Variants in MEGF9 observed in about 807,000 individuals in gnomAD.
MEGF9 encodes multiple epidermal growth factor-like domains protein 9.
Under a neutral mutation model 46.8 loss-of-function variants are expected in MEGF9, and 6 were observed. The observed-to-expected ratio is 0.13, with a 90% CI of 0.07 to 0.25. The LOEUF (loss-of-function observed/expected upper bound fraction) is 0.25. Among genes scored for constraint, MEGF9 ranks in the 10% least tolerant of loss-of-function variants. The pLI is 1.00. For synonymous variants in MEGF9, 302 were observed against 330.7 expected, an observed-to-expected ratio of 0.91 and a Z score of 0.94; for missense variants, 683 against 792.4, an observed-to-expected ratio of 0.86 and a Z score of 1.66.
intron 2 of MEGF9, among the ~76,000 whole-genome samples, chr9:120,652,195 A>AAAAAAAAC (rs2043655251): frequency 1.4e-5 from 2 of 144,116 alleles, no homozygotes; most frequent in African/African-American, 5.1e-5. Flanking sequence ...AAAAAAAAAA[A>AAAAAAAAC]AAAAAACAGG....
At chr9:120,639,775 T>G (rs903204697) in intron 2 of MEGF9, among the ~76,000 whole-genome samples, 1 of 120,686 alleles carries the variant, frequency 8.3e-6, no homozygotes, top group African/African-American at 2.8e-5. Context: ...GTTGAAGAAA[T>G]CCCTCTCTAC....
chr9:120,702,155 G>C (rs1349761508), intron 1 of MEGF9, among the ~76,000 whole-genome samples: 3 of 152,130 alleles, frequency 2.0e-5, no homozygotes. Flanking sequence ...GTTAAATTTT[G>C]CCTAAAGGTA....
chr9:120,677,137 G>A (rs977507507), intron 1 of MEGF9, among the ~76,000 whole-genome samples: 1 of 152,066 alleles, frequency 6.6e-6, no homozygotes, highest in African/African-American at 2.4e-5. Flanking sequence ...GTGTGTGTGT[G>A]TGTGTGTATG....
In MEGF9 at chr9:120,605,748, T is replaced by A; in HGVS notation, c.1358-107A>T. ...TGAATGTTGATGTAGGATGTTAACA[T>A]GATATTCTGCTTTAAGGTAATGCAA... On this transcript the variant is annotated intron_variant, in intron 5 of 5. Transcript: ENST00000373930. This position sits in a 1 kb window ranked among gnomAD's most constrained non-coding sequence, Gnocchi z 4.0. 1 of 798,192 alleles carries A rather than the reference T, an allele frequency of 1.3e-6. No homozygotes were observed. The highest frequency in any genetic ancestry group is 2.0e-6 in the Non-Finnish European group (1 of 506,576). 49.4% of individuals were successfully genotyped at this position (798,192 alleles called of 1,614,324 possible).
At chr9:120,627,164 C>T (rs2043529034) in intron 2 of MEGF9, among the ~76,000 whole-genome samples, 1 of 151,962 alleles carries the variant, frequency 6.6e-6, no homozygotes, top group South Asian at 2.1e-4. Flanking sequence ...ACATTATAAA[C>T]ACATGGTAGA....
rs1459037515 is a variant in MEGF9, at chr9:120,607,774, C to T, written c.1324G>A (p.Val442Ile). ...FWCENCLEGY[V>I]HDLEGNCIKK... ...ATGCAATTTCCCTCGAGGTCGTGAA[C>T]ATAACCTTCTAGGCAGTTCTCACAC... is the stretch of plus-strand genomic sequence containing the variant. The change falls in exon 5 of 6, where the codon GTT becomes ATT. Residue 442 changes from valine (V) to isoleucine (I), a missense_variant. Physicochemically the swap from Val to Ile is conservative, Grantham distance 29. Coordinates refer to ENST00000373930, the MANE Select transcript of MEGF9 (RefSeq NM_001080497.3). 1 of 1,613,458 alleles carries T rather than the reference C, an allele frequency of 6.2e-7. No homozygotes were observed. The highest frequency in any genetic ancestry group is 2.2e-5 in the East Asian group (1 of 44,866).
intron 2 of MEGF9, among the ~76,000 whole-genome samples, chr9:120,624,629 G>A (rs929764864): frequency 6.6e-5 from 10 of 152,170 alleles, no homozygotes; most frequent in African/African-American, 1.7e-4. Context: ...CACTTTGGGA[G>A]GCTGAGGTGG....
intron 1 of MEGF9, among the ~76,000 whole-genome samples, chr9:120,680,390 C>A (rs781001852): frequency 6.6e-6 from 1 of 152,114 alleles, no homozygotes; most frequent in East Asian, 1.9e-4. Flanking sequence ...ATACAGGTAC[C>A]GCCTTGTTGG....
intron 2 of MEGF9, among the ~76,000 whole-genome samples, chr9:120,625,029 C>T (rs1448799625): frequency 6.6e-6 from 1 of 152,212 alleles, no homozygotes; most frequent in Non-Finnish European, 1.5e-5. Context: ...GTCCCAGCTA[C>T]TCAGGAGGCT....
At chr9:120,616,123 T>G (rs1480629581) in intron 3 of MEGF9, among the ~76,000 whole-genome samples, 4 of 152,102 alleles carry the variant, frequency 2.6e-5, no homozygotes, top group Non-Finnish European at 5.9e-5. Context: ...ATCTCTAGTA[T>G]ACATGCATCA....
intron 1 of MEGF9, among the ~76,000 whole-genome samples, chr9:120,692,845 G>C (rs1292794198): frequency 2.0e-5 from 3 of 152,140 alleles, no homozygotes; most frequent in Admixed American, 2.0e-4. Flanking sequence ...TCCACTGAGA[G>C]AAAACATCCC....
chr9:120,660,393 G>A (rs1391878397), intron 1 of MEGF9, among the ~76,000 whole-genome samples: 1 of 152,078 alleles, frequency 6.6e-6, no homozygotes, highest in Admixed American at 6.6e-5. Flanking sequence ...TATCCTTTGT[G>A]TTACAAACAA....
At chr9:120,648,329 A>G (rs935195980) in intron 2 of MEGF9, among the ~76,000 whole-genome samples, 1 of 151,538 alleles carries the variant, frequency 6.6e-6, no homozygotes, top group Non-Finnish European at 1.5e-5. Flanking sequence ...TCACTGTTCT[A>G]GGTGTCAGAA....
rs530131479 is a variant in MEGF9, at chr9:120,633,735, A to T, written c.804-10980T>A. The stretch of plus-strand genomic sequence containing the variant: ...TTTTTTAATACAAGTGTTTATTGCT[A>T]TAAAGTTTCCTTTTGATACTGTGTT... On this transcript the variant is annotated intron_variant, in intron 2 of 5. Coordinates refer to ENST00000373930, the MANE Select transcript of MEGF9 (RefSeq NM_001080497.3). Among the ~76,000 whole-genome samples the T allele has an allele frequency of 2.6e-5, 4 of 152,222 alleles. No homozygotes were observed. The South Asian group carries it at 8.3e-4, about 32-fold the overall frequency.
intron 2 of MEGF9, among the ~76,000 whole-genome samples, chr9:120,652,766 A>C (rs2043659455): frequency 6.6e-6 from 1 of 151,998 alleles, no homozygotes; most frequent in Non-Finnish European, 1.5e-5. Flanking sequence ...TTCCAAATCT[A>C]CTCTTCTAGC....
intron 1 of MEGF9, among the ~76,000 whole-genome samples, chr9:120,693,275 C>CAAAAAAAAA (rs10633158): frequency 2.5e-4 from 26 of 104,286 alleles, no homozygotes; most frequent in Non-Finnish European, 3.2e-4. Flanking sequence ...TCTGGTTAAC[C>CAAAAAAAAA]AAAAAAAAAA....
chr9:120,711,836 T>TACACACAC (rs769570972), intron 1 of MEGF9, among the ~76,000 whole-genome samples: 110 of 56,504 alleles, frequency 1.9e-3, no homozygotes, highest in African/African-American at 3.6e-3. Flanking sequence ...TTTCTATACA[T>TACACACAC]ACATACATAC....
chr9:120,638,690 C>G (rs990295916), intron 2 of MEGF9, among the ~76,000 whole-genome samples: 6 of 152,238 alleles, frequency 3.9e-5, no homozygotes, highest in African/African-American at 1.4e-4. Context: ...TTTTGCCAAT[C>G]TGGCACCTTG....
At chr9:120,677,445 T>C (rs903221933) in intron 1 of MEGF9, among the ~76,000 whole-genome samples, 1 of 152,150 alleles carries the variant, frequency 6.6e-6, no homozygotes, top group Admixed American at 6.5e-5. Context: ...TTTTCCAATC[T>C]GTTTTTCTGT....
Sources: allele counts gnomAD v4.1 joint callset (sites outside exome capture counted in the v4.1 genomes callset), GRCh38; gene constraint gnomAD v4.1.1; non-coding constraint Gnocchi (gnomAD v3.1); transcripts MANE v1.5; gene names NCBI Gene and HGNC (gene_info 2026-07-23, HGNC 2026-07-21).